Variants in RB1 observed in about 807,000 individuals in gnomAD.
RB1 encodes the protein RB transcriptional corepressor 1.
A neutral mutation model predicts 135.4 loss-of-function variants in RB1; 18 were observed. That is an observed-to-expected ratio of 0.13 (90% CI 0.09 to 0.20). The LOEUF is 0.20. Among genes scored for constraint, RB1 ranks in the 10% least tolerant of loss-of-function variants. The probability of loss-of-function intolerance (pLI) is 1.00; values close to 1 mark genes in which losing one functional copy is unlikely to be tolerated. For missense variants in RB1, 868 were observed against 1,110.0 expected (o/e 0.78, Z 3.10); for synonymous variants, 365 against 373.2 (o/e 0.98, Z 0.25).
chr13:48,394,573 G>C (rs1948633748), intron 17 of RB1, among the ~76,000 whole-genome samples: 2 of 152,270 alleles, frequency 1.3e-5, no homozygotes, highest in Admixed American at 1.3e-4. Flanking sequence ...AGGGGGAGGG[G>C]CATTCCCCAT....
At chr13:48,350,373 T>C (rs1952537061) in intron 6 of RB1, among the ~76,000 whole-genome samples, 1 of 152,094 alleles carries the variant, frequency 6.6e-6, no homozygotes, top group African/African-American at 2.4e-5. Flanking sequence ...ACAAGGTATT[T>C]TGGAAACTGT....
Position 48,319,041 on chromosome 13 carries a change from G to C in RB1, c.264+11635G>C, listed in dbSNP as rs545322326. 4.7e-6 allele frequency: 3 copies of C among 644,428 alleles called. No homozygotes were observed. The highest frequency in any genetic ancestry group is 4.1e-5 in the Admixed American group (2 of 49,060). The allele number at this position is 644,428 out of a possible 1,614,324, so 39.9% of individuals were successfully genotyped here. A position where few individuals can be genotyped will look rare whatever the true frequency, so the allele number is the denominator to read the frequency against. ...GAAATGCCCAAGATTGCTTCCGCGC[G>C]CGTCAGTTCAGCGGACGTGTCTGCC... On this transcript the variant is annotated intron_variant, in intron 2 of 26. Transcript: ENST00000267163. This position sits in a 1 kb window ranked among gnomAD's most constrained non-coding sequence, Gnocchi z 5.0.
At chr13:48,411,923 G>C (rs1948814167) in intron 17 of RB1, 1 of 1,612,642 alleles carries the variant, frequency 6.2e-7, no homozygotes, top group Non-Finnish European at 8.5e-7. Flanking sequence ...TTTCAAAGCA[G>C]GCTTCTGAGG....
At chr13:48,428,694 A>G (rs1234733573) in intron 17 of RB1, among the ~76,000 whole-genome samples, 2 of 152,238 alleles carry the variant, frequency 1.3e-5, no homozygotes, top group African/African-American at 2.4e-5. Context: ...TTAAAATCGT[A>G]TGATGACCAT....
chr13:48,407,066 C>T (rs1948746677), intron 17 of RB1, among the ~76,000 whole-genome samples: 1 of 152,162 alleles, frequency 6.6e-6, no homozygotes, highest in African/African-American at 2.4e-5. Context: ...TTCCAGAAGC[C>T]ATTTTGATAG....
intron 17 of RB1, among the ~76,000 whole-genome samples, chr13:48,395,480 G>A (rs1472785011): frequency 2.0e-5 from 3 of 151,944 alleles, no homozygotes; most frequent in African/African-American, 7.2e-5. Context: ...TAAGAACTTT[G>A]AAAAAAGGTT....
At chr13:48,359,959 C>G (rs1213079775) in intron 6 of RB1, 58 bp from the exon 7 acceptor site, 1 of 1,595,926 alleles carries the variant, frequency 6.3e-7, no homozygotes, top group African/African-American at 1.4e-5. Flanking sequence ...CTGCGATTTT[C>G]TCTCATACAA....
At chr13:48,394,274 T>C (rs1391502141) in intron 17 of RB1, among the ~76,000 whole-genome samples, 1 of 152,154 alleles carries the variant, frequency 6.6e-6, no homozygotes, top group Non-Finnish European at 1.5e-5. Context: ...GGAGATTCCC[T>C]CGGGTGCCTA....
intron 6 of RB1, among the ~76,000 whole-genome samples, chr13:48,358,457 A>G (rs928657262): frequency 6.6e-6 from 1 of 152,110 alleles, no homozygotes; most frequent in Non-Finnish European, 1.5e-5. Flanking sequence ...CATTTTTATT[A>G]TATCTGCTTT....
In RB1 at chr13:48,386,219, G is replaced by A. The variant is rs566750613; in HGVS notation, c.1695+4776G>A. 7.2e-5 allele frequency among the ~76,000 whole-genome samples: 11 copies of A among 152,208 alleles called. No individual in the cohort carries two copies. The South Asian group carries it at 1.0e-3, about 14-fold the overall frequency. On this transcript the variant is annotated intron_variant, in intron 17 of 26. Coordinates refer to ENST00000267163, the MANE Select transcript of RB1 (RefSeq NM_000321.3). ...TGGTTAGGCATTGCTAAATGATGGG[G>A]ATACATTCTAGGAAATACTTCATTT... is the stretch of plus-strand genomic sequence containing the variant.
At chr13:48,445,505 T>A (rs148967498) in intron 17 of RB1, among the ~76,000 whole-genome samples, 12 of 152,270 alleles carry the variant, frequency 7.9e-5, no homozygotes, top group Non-Finnish European at 1.6e-4. Context: ...TGAAAGAACA[T>A]CAGTTTCTTA....
At chr13:48,450,386 G>A (rs1051212608) in intron 17 of RB1, among the ~76,000 whole-genome samples, 7 of 151,898 alleles carry the variant, frequency 4.6e-5, no homozygotes, top group Admixed American at 3.3e-4. Context: ...TATTTAATAG[G>A]GAATTTATTT....
At chr13:48,354,017 A>G (rs1014106530) in intron 6 of RB1, among the ~76,000 whole-genome samples, 5 of 152,140 alleles carry the variant, frequency 3.3e-5, no homozygotes, top group African/African-American at 7.2e-5. Context: ...CCTTTCCTCT[A>G]AGATCTAGAA....
At chr13:48,476,626 A>T (rs2138358538) in intron 24 of RB1, 75 bp from the exon 25 acceptor site, 2 of 1,506,006 alleles carry the variant, frequency 1.3e-6, no homozygotes, top group Non-Finnish European at 1.8e-6. Context: ...ACACACCTCA[A>T]ACTATAACTT....
chr13:48,420,338 G>A (rs568464066), intron 17 of RB1, among the ~76,000 whole-genome samples: 3 of 152,192 alleles, frequency 2.0e-5, no homozygotes, highest in East Asian at 1.9e-4. Flanking sequence ...ATTCAACACT[G>A]CTTCATGCTA....
intron 2 of RB1, chr13:48,320,134 G>T: frequency 1.3e-6 from 1 of 790,742 alleles, no homozygotes; most frequent in Non-Finnish European, 2.0e-6. Flanking sequence ...TAGCACCAAC[G>T]GGCCAAAGTC....
intron 2 of RB1, among the ~76,000 whole-genome samples, chr13:48,331,658 G>C (rs765572324): frequency 1.3e-5 from 2 of 152,144 alleles, no homozygotes. Flanking sequence ...ATGTAAATTG[G>C]TATGTCTTTT....
At chr13:48,435,764 G>A (rs1418834602) in intron 17 of RB1, among the ~76,000 whole-genome samples, 2 of 152,220 alleles carry the variant, frequency 1.3e-5, no homozygotes, top group East Asian at 3.9e-4. Context: ...GGGGTGCTGA[G>A]TTGGGCACCA....
chr13:48,328,253 T>C (rs1952304461), intron 2 of RB1: 2 of 1,522,056 alleles, frequency 1.3e-6, no homozygotes, highest in East Asian at 4.5e-5. Flanking sequence ...GCCTTTCCTC[T>C]GATTCACTAT....
Sources: allele counts gnomAD v4.1 joint callset (sites outside exome capture counted in the v4.1 genomes callset), GRCh38; gene constraint gnomAD v4.1.1; non-coding constraint Gnocchi (gnomAD v3.1); transcripts MANE v1.5; gene names NCBI Gene and HGNC (gene_info 2026-07-23, HGNC 2026-07-21).